Variants in ABI2 observed in about 807,000 individuals in gnomAD.
ABI2 encodes abl interactor 2, also known as abelson interactor 2.
ABI2 carries 25 observed loss-of-function variants against 59.2 expected under a neutral mutation model. That is an observed-to-expected ratio of 0.42 (90% CI 0.31 to 0.59). The LOEUF (loss-of-function observed/expected upper bound fraction) is 0.59, where lower values mean the gene tolerates loss of function less well. Among genes scored for constraint, ABI2 ranks in the 20% least tolerant of loss-of-function variants. ABI2 has a pLI of 0.14. For missense variants in ABI2, 545 were observed against 681.8 expected (o/e 0.80, Z 2.23); for synonymous variants, 213 against 235.5 (o/e 0.90, Z 0.87).
rs146290290 is a variant in ABI2, at chr2:203,344,815, C to T, written c.117+16184C>T. 4.6e-3 allele frequency among the ~76,000 whole-genome samples: 699 copies of T among 152,128 alleles called. 3 individuals carry two copies. The highest frequency in any genetic ancestry group is 0.016 in the African/African-American group (655 of 41,492). ...CTGTGTCTAGCTAAAGGTTTGCAAGCGCACCAATCTGCACTTTGTAAAAAC... is the reference window on the plus strand; with the variant it reads ...CTGTGTCTAGCTAAAGGTTTGCAAGTGCACCAATCTGCACTTTGTAAAAAC... On this transcript the variant is annotated intron_variant, in intron 1 of 11. Coordinates refer to ENST00000261018, the MANE Select transcript of ABI2 (RefSeq NM_001375670.1).
chr2:203,432,079 T>G lies in ABI2; in HGVS notation c.*4727T>G, dbSNP rs912008069. On this transcript the variant is annotated 3_prime_UTR_variant, in exon 12 of 12. Coordinates refer to ENST00000261018, the MANE Select transcript of ABI2 (RefSeq NM_001375670.1). ...TGCCATTAAACCACCTCCAGATGAGTGGAGGAACATCACTTTTTAATTTTT... is the reference window on the plus strand; with the variant it reads ...TGCCATTAAACCACCTCCAGATGAGGGGAGGAACATCACTTTTTAATTTTT... 1 of 152,146 alleles carries G rather than the reference T, an allele frequency of 6.6e-6. No individual in the cohort carries two copies. The highest frequency in any genetic ancestry group is 2.4e-5 in the African/African-American group (1 of 41,412). The allele number at this position is 152,146 out of a possible 1,614,324, so 9.4% of individuals were successfully genotyped here.
At position 203,383,689 on chromosome 2, in the gene ABI2, C is replaced by G. The variant is rs150829615; in HGVS notation, c.480+1483C>G. Among the ~76,000 whole-genome samples, 340 of 152,270 alleles carry G rather than the reference C, an allele frequency of 2.2e-3. 2 individuals carry two copies. The highest frequency in any genetic ancestry group is 8.0e-3 in the African/African-American group (332 of 41,558). ...CCTAGAAAGATCTAATGAAGAATCA[C>G]ACTTAGATAAGATCCCTGAGCTTTT... On this transcript the variant is annotated intron_variant, in intron 4 of 11. Coordinates refer to ENST00000261018, the MANE Select transcript of ABI2 (RefSeq NM_001375670.1).
intron 1 of ABI2, among the ~76,000 whole-genome samples, chr2:203,347,858 T>C (rs2084719010): frequency 6.6e-6 from 1 of 152,210 alleles, no homozygotes; most frequent in Non-Finnish European, 1.5e-5. Context: ...AGGATTAACC[T>C]TTTGTAATGT....
chr2:203,381,927 A>C (rs1418903129), intron 3 of ABI2, among the ~76,000 whole-genome samples: 1 of 152,168 alleles, frequency 6.6e-6, no homozygotes, highest in African/African-American at 2.4e-5. Context: ...TTCAGTGTTT[A>C]AGGGTCATTA....
At chr2:203,344,776 G>T (rs1273059492) in intron 1 of ABI2, among the ~76,000 whole-genome samples, 1 of 151,784 alleles carries the variant, frequency 6.6e-6, no homozygotes, top group Admixed American at 6.6e-5. Flanking sequence ...TGTAAAAACG[G>T]ACCAATCAGG....
chr2:203,430,192 G>GT lies in ABI2; in HGVS notation c.*2841dup, dbSNP rs1294954974. ...TGAGGGTAGTATTTTTTGTTTTATT[G>GT]TAAGTTTCCCTCTTTTTTTATAAAT... On this transcript the variant is annotated 3_prime_UTR_variant, in exon 12 of 12. Transcript: ENST00000261018. 1.3e-5 allele frequency: 2 copies of GT among 152,036 alleles called. No homozygotes were observed. Among genetic ancestry groups the GT allele is most frequent in the Admixed American group, 6.5e-5 (1 of 15,270 alleles). The allele number at this position is 152,036 out of a possible 1,614,324, so 9.4% of individuals were successfully genotyped here. A position where few individuals can be genotyped will look rare whatever the true frequency, so the allele number is the denominator to read the frequency against.
rs1407147197 is a variant in ABI2, at chr2:203,380,305, C to G, written c.383C>G (p.Ala128Gly). 1 of 1,608,856 alleles carries G rather than the reference C, an allele frequency of 6.2e-7. No homozygotes were observed. The highest frequency in any genetic ancestry group is 8.5e-7 in the Non-Finnish European group (1 of 1,177,910). Residue 128 changes from alanine to glycine, a missense_variant, in exon 3 of 12, where the codon GCC (alanine) becomes GGC (glycine). Coordinates refer to ENST00000261018, the MANE Select transcript of ABI2 (RefSeq NM_001375670.1). ...AGGACACATAAGATTATTGCTCCAG[C>G]CAACCTTGAACGACCAGTTCGTTAT... ...TSRTHKIIAPANLERPVRYIR... is the reference protein window; with the variant it reads ...TSRTHKIIAPGNLERPVRYIR...
rs2098484502 is a variant in ABI2 at position 203,431,663 on chromosome 2, T to G, written c.*4311T>G. On this transcript the variant is annotated 3_prime_UTR_variant, in exon 12 of 12. Coordinates refer to ENST00000261018, the MANE Select transcript of ABI2 (RefSeq NM_001375670.1). Reference sequence around the variant, plus strand: ...CCTTTAAGTTTACTTTGTGCTGACCTTTGTTCCTGTTTTGAGAATCTCATA... The same window carrying G: ...CCTTTAAGTTTACTTTGTGCTGACCGTTGTTCCTGTTTTGAGAATCTCATA... 6.6e-6 allele frequency: 1 copy of G among 151,814 alleles called. No individual in the cohort carries two copies. The highest frequency in any genetic ancestry group is 6.6e-5 in the Admixed American group (1 of 15,246). The allele number at this position is 151,814 out of a possible 1,614,324, so 9.4% of individuals were successfully genotyped here.
At position 203,380,358 on chromosome 2, in the gene ABI2, C is replaced by T. The variant is rs753426864; in HGVS notation, c.436C>T (p.Leu146=). ...YIRKPIDYTI[L]DDIGHGVKWL... ...TAGAAAACCTATTGACTATACAATTCTAGATGATATTGGACATGGAGTAAA... is the reference window on the plus strand; with the variant it reads ...TAGAAAACCTATTGACTATACAATTTTAGATGATATTGGACATGGAGTAAA... Residue 146 remains leucine (L), a synonymous_variant, in exon 3 of 12, where the codon CTA becomes TTA. Coordinates refer to ENST00000261018, the MANE Select transcript of ABI2 (RefSeq NM_001375670.1). 1 of 1,572,454 alleles carries T rather than the reference C, an allele frequency of 6.4e-7. No homozygotes were observed. Among genetic ancestry groups the T allele is most frequent in the Admixed American group, 1.9e-5 (1 of 51,612 alleles).
chr2:203,384,290 G>GTTTTT (rs796117154), intron 4 of ABI2, among the ~76,000 whole-genome samples: 1 of 26,106 alleles, frequency 3.8e-5, no homozygotes, highest in South Asian at 1.7e-3. Flanking sequence ...TTTTGTTTTT[G>GTTTTT]TTTTTTTTTT....
At chr2:203,383,235 C>A in intron 4 of ABI2, 1 of 154,814 alleles carries the variant, frequency 6.5e-6, no homozygotes, top group Middle Eastern at 5.2e-4. Context: ...TTCCCCTGCC[C>A]GTGGTAGGTA....
At position 203,366,893 on chromosome 2, in the gene ABI2, G is replaced by C; in HGVS notation, c.134G>C (p.Arg45Thr). 1 of 1,575,688 alleles carries C rather than the reference G, an allele frequency of 6.3e-7. No individual in the cohort carries two copies. Among genetic ancestry groups the C allele is most frequent in the Non-Finnish European group, 8.6e-7 (1 of 1,159,046 alleles). ...NNYIQSADKQ[R>T]ALEETKAYTT... ...TTTTCCCAGTCAGCAGATAAGCAGAGAGCCCTAGAAGAAACCAAAGCCTAC... is the reference window on the plus strand; with the variant it reads ...TTTTCCCAGTCAGCAGATAAGCAGACAGCCCTAGAAGAAACCAAAGCCTAC... Residue 45 changes from arginine to threonine, a missense_variant, in exon 2 of 12, where the codon AGA (arginine) becomes ACA (threonine). Transcript: ENST00000261018.
intron 3 of ABI2, 53 bp from the exon 4 acceptor site, chr2:203,382,136 C>G: frequency 1.4e-6 from 2 of 1,467,770 alleles, no homozygotes; most frequent in Non-Finnish European, 1.8e-6. Flanking sequence ...TTCAACTAAC[C>G]TTTCAATGCT....
chr2:203,355,768 T>A (rs1311815546), intron 1 of ABI2, among the ~76,000 whole-genome samples: 1 of 147,726 alleles, frequency 6.8e-6, no homozygotes, highest in African/African-American at 2.5e-5. Flanking sequence ...GAGGCAGAGG[T>A]TGCTGTGAGC....
chr2:203,372,921 C>T (rs1469922693), intron 2 of ABI2, among the ~76,000 whole-genome samples: 7 of 151,832 alleles, frequency 4.6e-5, no homozygotes, highest in African/African-American at 1.4e-4. Context: ...TGGGCAGAGA[C>T]GCTCCTCACT....
intron 9 of ABI2, among the ~76,000 whole-genome samples, chr2:203,407,792 T>C (rs1158322959): frequency 6.6e-6 from 1 of 152,136 alleles, no homozygotes; most frequent in East Asian, 1.9e-4. Flanking sequence ...CTTCTTTGCC[T>C]GTTCACAAAA....
Position 203,394,702 on chromosome 2 carries a change from G to A in ABI2, c.581G>A (p.Arg194Gln), listed in dbSNP as rs753865013. The A allele has an allele frequency of 4.3e-6, 7 of 1,612,662 alleles. No homozygotes were observed. Among genetic ancestry groups the A allele is most frequent in the Non-Finnish European group, 5.9e-6 (7 of 1,179,580 alleles). ...TACATACGCTCTTCTTTTTGTAGGC[G>A]GCACTCCCCCTATCGCACACTGGAG... ...PPMSGKGTLG[R>Q]HSPYRTLEPV... Residue 194 changes from arginine (R) to glutamine (Q), a missense_variant and splice_region_variant, in exon 6 of 12, where the codon CGG (arginine) becomes CAG (glutamine). By Grantham distance (43) the Arg-to-Gln change is conservative. Around this residue, in one of 4 missense-constraint regions of ABI2, gnomAD observed 410 missense variants for 435.6 expected, o/e 0.94. Coordinates refer to ENST00000261018, the MANE Select transcript of ABI2 (RefSeq NM_001375670.1).
chr2:203,374,498 C>CA (rs777951265), intron 2 of ABI2, among the ~76,000 whole-genome samples: 2,943 of 51,674 alleles, frequency 0.057, 64 homozygotes, highest in South Asian at 0.096. Flanking sequence ...GACTCTGTCT[C>CA]AAAAAAAAAA....
At chr2:203,379,007 C>G (rs912761863) in intron 2 of ABI2, among the ~76,000 whole-genome samples, 1 of 152,164 alleles carries the variant, frequency 6.6e-6, no homozygotes, top group Non-Finnish European at 1.5e-5. Context: ...TGCTTACATA[C>G]CACTAAATTG....
Sources: gnomAD v4.1 joint callset for allele counts (sites outside exome capture counted in the v4.1 genomes callset) on GRCh38, gnomAD v4.1.1 for gene constraint, gnomAD v4.1.1 regional missense constraint, MANE v1.5 for transcripts, NCBI Gene and HGNC (gene_info 2026-07-23, HGNC 2026-07-21) for gene names.